The following ASPRV1 variants were observed in gnomAD, a reference collection of about 807,000 sequenced individuals.
ASPRV1 encodes the protein retroviral-like aspartic protease 1.
ASPRV1 carries 7 observed loss-of-function variants against 11.0 expected under a neutral mutation model. The ratio of observed to expected loss-of-function variants is 0.64; its 90% CI spans 0.36 to 1.20. ASPRV1 has a LOEUF of 1.20. ASPRV1 is among the 50% of genes most tolerant of loss of function. The pLI, the probability that ASPRV1 is intolerant of heterozygous loss-of-function variation, is 0.02. For missense variants in ASPRV1, 299 were observed against 320.0 expected, an observed-to-expected ratio of 0.93 and a Z score of 0.50; for synonymous variants, 136 against 138.4, an observed-to-expected ratio of 0.98 and a Z score of 0.12.
the ASPRV1 span, among the ~76,000 whole-genome samples, chr2:70,058,018 C>T: frequency 9.4e-3 from 1,426 of 151,748 alleles, 28 homozygotes; most frequent in African/African-American, 0.033. Flanking sequence ...TGGTCTTGAT[C>T]GTGATCTGCC....
At chr2:70,054,571 C>T in the ASPRV1 span, among the ~76,000 whole-genome samples, 3 of 145,848 alleles carry the variant, frequency 2.1e-5, no homozygotes, top group African/African-American at 5.2e-5. Context: ...AGCAAGACTC[C>T]GTCTCAATAA....
chr2:70,066,704 C>T, the ASPRV1 span, among the ~76,000 whole-genome samples: 2 of 151,958 alleles, frequency 1.3e-5, no homozygotes, highest in Admixed American at 1.3e-4. Flanking sequence ...CTCAAATGAT[C>T]CTCCCACTTC....
At chr2:69,959,531 C>T (rs558762082), downstream of ASPRV1, among the ~76,000 whole-genome samples, 1 of 152,230 alleles carries the variant, frequency 6.6e-6, no homozygotes, top group African/African-American at 2.4e-5. Flanking sequence ...GTCCTCCCCT[C>T]CATCAGGTCA....
the ASPRV1 span, among the ~76,000 whole-genome samples, chr2:70,079,600 A>G: frequency 2.7e-3 from 411 of 152,262 alleles, no homozygotes; most frequent in Non-Finnish European, 3.8e-3. Context: ...AAAAGTTGAG[A>G]AGGAGGAACC....
At chr2:70,019,988 G>GTA in the ASPRV1 span, among the ~76,000 whole-genome samples, 96 of 150,462 alleles carry the variant, frequency 6.4e-4, 1 homozygote, top group East Asian at 3.1e-3. Flanking sequence ...CAATGTGTGT[G>GTA]TATATATATA....
chr2:69,996,213 T>TTA, the ASPRV1 span, among the ~76,000 whole-genome samples: 1 of 20,350 alleles, frequency 4.9e-5, no homozygotes, highest in African/African-American at 1.6e-4. Context: ...CCCCCATCTC[T>TTA]CAAAAAAAAA....
At chr2:70,047,825 C>T in the ASPRV1 span, among the ~76,000 whole-genome samples, 1 of 152,212 alleles carries the variant, frequency 6.6e-6, no homozygotes, top group African/African-American at 2.4e-5. Flanking sequence ...AAAAACAAGT[C>T]ATAGGCCAGG....
At chr2:69,996,756 G>C in the ASPRV1 span, 1 of 456,542 alleles carries the variant, frequency 2.2e-6, no homozygotes, top group African/African-American at 2.0e-5. Context: ...ACCTGAGGCT[G>C]AGTCTGTGTG....
chr2:70,002,092 ATTTTCT>A, the ASPRV1 span, among the ~76,000 whole-genome samples: 1 of 152,128 alleles, frequency 6.6e-6, no homozygotes, highest in Non-Finnish European at 1.5e-5. Flanking sequence ...ATGATTTTTA[ATTTTCT>A]TTTTCTGTTT....
chr2:70,063,684 G>C, the ASPRV1 span, among the ~76,000 whole-genome samples: 3 of 152,094 alleles, frequency 2.0e-5, no homozygotes, highest in Non-Finnish European at 4.4e-5. Flanking sequence ...GATTTCTGGG[G>C]ATTTCATTTT....
the ASPRV1 span, among the ~76,000 whole-genome samples, chr2:70,066,382 G>A: frequency 4.6e-5 from 7 of 151,506 alleles, no homozygotes; most frequent in South Asian, 2.1e-4. Flanking sequence ...GGGATTACAG[G>A]TGCCTGCCAC....
At chr2:70,044,101 AAATC>A in the ASPRV1 span, among the ~76,000 whole-genome samples, 1 of 152,044 alleles carries the variant, frequency 6.6e-6, no homozygotes, top group Non-Finnish European at 1.5e-5. Context: ...TGGTTCTCAG[AAATC>A]AATCTTATAA....
chr2:70,053,958 G>A, the ASPRV1 span: 1 of 152,202 alleles, frequency 6.6e-6, no homozygotes, highest in African/African-American at 2.4e-5. Flanking sequence ...CATCACTACA[G>A]GATATAAGAG....
chr2:69,987,985 C>T, the ASPRV1 span, among the ~76,000 whole-genome samples: 31 of 152,258 alleles, frequency 2.0e-4, no homozygotes, highest in South Asian at 4.1e-4. Context: ...GGGGTGCACC[C>T]GTGATGAAGA....
chr2:69,941,617 A>C, the ASPRV1 span: 3 of 151,966 alleles, frequency 2.0e-5, no homozygotes, highest in Non-Finnish European at 4.4e-5. Flanking sequence ...TTTAACCTCT[A>C]CTTTTTCAAA....
At chr2:70,015,799 C>T in the ASPRV1 span, 1 of 152,122 alleles carries the variant, frequency 6.6e-6, no homozygotes, top group Non-Finnish European at 1.5e-5. Flanking sequence ...CACATCTCTA[C>T]TAAAAATACA....
chr2:69,937,015 A>AC, the ASPRV1 span: 2 of 668,730 alleles, frequency 3.0e-6, no homozygotes, highest in Admixed American at 2.1e-5. Flanking sequence ...AATCCCTGTG[A>AC]CAGGACAAGT....
At chr2:70,065,043 C>T in the ASPRV1 span, among the ~76,000 whole-genome samples, 1 of 151,864 alleles carries the variant, frequency 6.6e-6, no homozygotes, top group Non-Finnish European at 1.5e-5. Flanking sequence ...TGCAGTAAGC[C>T]GAGATCGAAC....
the ASPRV1 span, among the ~76,000 whole-genome samples, chr2:69,994,425 G>C: frequency 6.6e-6 from 1 of 152,210 alleles, no homozygotes; most frequent in Non-Finnish European, 1.5e-5. Context: ...GGAGCAGTGA[G>C]AGTCTGGGAA....
Sources: allele counts gnomAD v4.1 joint callset (sites outside exome capture counted in the v4.1 genomes callset), GRCh38; gene constraint gnomAD v4.1.1; transcripts MANE v1.5; gene names NCBI Gene and HGNC (gene_info 2026-07-23, HGNC 2026-07-21).